The following CEP192 variants were observed in gnomAD, a reference collection of about 807,000 sequenced individuals.
CEP192 encodes centrosomal protein of 192 kDa.
CEP192 carries 151 observed loss-of-function variants against 271.8 expected under a neutral mutation model. The observed-to-expected ratio is 0.56, with a 90% CI of 0.49 to 0.64. The LOEUF is 0.64. Ranked by LOEUF, CEP192 falls within the 30% of genes least tolerant of loss-of-function variation. The pLI, the probability that CEP192 is intolerant of heterozygous loss-of-function variation, is 0.00. For synonymous variants in CEP192, 995 were observed against 1,076.5 expected (o/e 0.92, Z 1.48); for missense variants, 2,910 against 3,020.5 (o/e 0.96, Z 0.86).
intron 39 of CEP192, among the ~76,000 whole-genome samples, chr18:13,104,454 G>A (rs746553793): frequency 1.3e-5 from 2 of 152,078 alleles, no homozygotes; most frequent in Non-Finnish European, 2.9e-5. Context: ...CTACCAAAAT[G>A]TGTACAAAAA....
chr18:13,115,458 C>T (rs1318806544), intron 42 of CEP192, among the ~76,000 whole-genome samples: 1 of 152,000 alleles, frequency 6.6e-6, no homozygotes, highest in Non-Finnish European at 1.5e-5. Context: ...CAGAGCTGGG[C>T]CTAGGAGGTG....
chr18:13,074,241 G>A (rs8088543), intron 30 of CEP192, among the ~76,000 whole-genome samples: 20,806 of 152,168 alleles, frequency 0.14, 1,569 homozygotes, highest in East Asian at 0.31. Context: ...CAGCTTTGAC[G>A]CTGGAGCTTG....
In CEP192 at chr18:13,040,816, T is replaced by C; in HGVS notation, c.1810-14T>C. The C allele has an allele frequency of 6.4e-7, 1 of 1,562,768 alleles. No homozygotes were observed. Among genetic ancestry groups the C allele is most frequent in the Non-Finnish European group, 8.7e-7 (1 of 1,149,610 alleles). ...GAAAATCAAAGAAATAATTTACCTT[T>C]AATTATTTTGTAGCCATCATTTGGC... On this transcript the variant is annotated splice_polypyrimidine_tract_variant and intron_variant, in intron 13 of 44. Coordinates refer to ENST00000506447, the MANE Select transcript of CEP192 (RefSeq NM_032142.4).
Position 13,049,463 on chromosome 18 carries a change from T to A in CEP192, c.2672T>A (p.Val891Asp), listed in dbSNP as rs754287086. ...TCCATTGACAACAAATTACAAGATG[T>A]TGGTAACGATGAAAAAGCTACCTCA... is the stretch of plus-strand genomic sequence containing the variant. ...TCSIDNKLQD[V>D]GNDEKATSIS... is the part of the protein sequence containing the mutation. Residue 891 changes from valine (V) to aspartate (D), a missense_variant, in exon 16 of 45, where the codon GTT (valine) becomes GAT (aspartate). Val to Asp is a radical substitution (Grantham distance 152, BLOSUM62 -3). Coordinates refer to ENST00000506447, the MANE Select transcript of CEP192 (RefSeq NM_032142.4). 1 of 1,614,108 alleles carries A rather than the reference T, an allele frequency of 6.2e-7. No individual in the cohort carries two copies.
chr18:13,058,942 G>A lies in CEP192; in HGVS notation c.4258-140G>A, dbSNP rs1036804122. On this transcript the variant is annotated intron_variant, in intron 20 of 44. Coordinates refer to ENST00000506447, the MANE Select transcript of CEP192 (RefSeq NM_032142.4). Reference sequence around the variant, plus strand: ...TACTTCAGAGACCATAAATGACAAGGTTTTGACATTTTTGAAGAGATAATA... The same window carrying A: ...TACTTCAGAGACCATAAATGACAAGATTTTGACATTTTTGAAGAGATAATA... 1.6e-5 allele frequency: 10 copies of A among 636,876 alleles called. No homozygotes were observed. The African/African-American group carries it at 1.8e-4, about 12-fold the overall frequency. 39.5% of individuals were successfully genotyped at this position (636,876 alleles called of 1,614,324 possible).
intron 18 of CEP192, among the ~76,000 whole-genome samples, chr18:13,054,999 C>G (rs138057138): frequency 6.6e-6 from 1 of 152,018 alleles, no homozygotes; most frequent in African/African-American, 2.4e-5. Context: ...CATCTTTGGC[C>G]GGGTGTGGTG....
chr18:13,029,641 A>C (rs1332676997), intron 9 of CEP192, 22 bp from the exon 10 acceptor site: 1 of 1,422,456 alleles, frequency 7.0e-7, no homozygotes, highest in Non-Finnish European at 9.4e-7. Context: ...TCTGTTAAAA[A>C]ATCTGATTTT....
chr18:13,042,302 G>T lies in CEP192; in HGVS notation c.2035G>T (p.Val679Leu), dbSNP rs762363164. ...TACTTCACAAGTGGATGAAAATGATGTGACGTTAACGGCTGATAAAGGCAA... is the reference window on the plus strand; with the variant it reads ...TACTTCACAAGTGGATGAAAATGATTTGACGTTAACGGCTGATAAAGGCAA... ...ESTSQVDEND[V>L]TLTADKGKTE... The change falls in exon 15 of 45, where the codon GTG becomes TTG. Residue 679 changes from valine (V) to leucine (L), a missense_variant. By Grantham distance (32) the Val-to-Leu change is conservative (BLOSUM62 1). Coordinates refer to ENST00000506447, the MANE Select transcript of CEP192 (RefSeq NM_032142.4). The T allele has an allele frequency of 1.2e-6, 2 of 1,614,046 alleles. No homozygotes were observed. Among genetic ancestry groups the T allele is most frequent in the East Asian group, 4.5e-5 (2 of 44,858 alleles).
intron 30 of CEP192, 32 bp downstream of exon 30, chr18:13,073,217 T>C (rs775179878): frequency 6.5e-7 from 1 of 1,541,926 alleles, no homozygotes; most frequent in Non-Finnish European, 8.8e-7. Context: ...TCCCTTCCCC[T>C]GGAGTTTATG....
At chr18:13,060,578 C>G (rs1222044748) in intron 21 of CEP192, among the ~76,000 whole-genome samples, 5 of 152,154 alleles carry the variant, frequency 3.3e-5, no homozygotes, top group African/African-American at 1.2e-4. Context: ...GTCCTGTATA[C>G]AGTCCATCAT....
At chr18:13,013,876 G>A (rs1364667998) in intron 5 of CEP192, among the ~76,000 whole-genome samples, 1 of 152,210 alleles carries the variant, frequency 6.6e-6, no homozygotes, top group Non-Finnish European at 1.5e-5. Flanking sequence ...TTTATAGAAT[G>A]AATGCAAAAG....
chr18:13,001,597 T>G lies in CEP192; in HGVS notation c.290+15T>G. 1 of 1,541,694 alleles carries G rather than the reference T, an allele frequency of 6.5e-7. No individual in the cohort carries two copies. The highest frequency in any genetic ancestry group is 8.7e-7 in the Non-Finnish European group (1 of 1,144,276). ...CAGGATGATGAGTAAGTTCATACCT[T>G]CATTTGCTTGTACTGTGTTAAAAGT... On this transcript the variant is annotated intron_variant, in intron 3 of 44. Transcript: ENST00000506447.
chr18:13,076,174 T>A (rs1216953302), intron 30 of CEP192, among the ~76,000 whole-genome samples: 1 of 152,230 alleles, frequency 6.6e-6, no homozygotes, highest in East Asian at 1.9e-4. Context: ...GCAATAGTTT[T>A]TCCTGTTTAA....
intron 30 of CEP192, 53 bp downstream of exon 30, chr18:13,073,238 A>T: frequency 6.9e-7 from 1 of 1,440,232 alleles, no homozygotes; most frequent in Non-Finnish European, 9.5e-7. Flanking sequence ...CCATTTTATA[A>T]CTATTGGTTT....
chr18:13,029,898 A>G lies in CEP192; in HGVS notation c.1286A>G (p.Lys429Arg). Residue 429 changes from lysine (K) to arginine (R), a missense_variant, in exon 10 of 45, where the codon AAG (lysine) becomes AGG (arginine). By Grantham distance (26) the Lys-to-Arg change is conservative. Coordinates refer to ENST00000506447, the MANE Select transcript of CEP192 (RefSeq NM_032142.4). ...IQENVDVASL[K>R]PISDSGINFT... The stretch of plus-strand genomic sequence containing the variant: ...GAAAATGTGGATGTAGCCTCTTTGA[A>G]GCCCATTAGTGACAGTGGAATTAAT... The G allele has an allele frequency of 6.4e-7, 1 of 1,551,716 alleles. No individual in the cohort carries two copies. The highest frequency in any genetic ancestry group is 8.7e-7 in the Non-Finnish European group (1 of 1,146,976).
chr18:13,026,984 A>G (rs1030401988), intron 9 of CEP192, among the ~76,000 whole-genome samples: 2 of 152,134 alleles, frequency 1.3e-5, no homozygotes, highest in African/African-American at 4.8e-5. Context: ...ACCAAGTAAA[A>G]GAACTACTGT....
At chr18:13,095,370 T>A in intron 34 of CEP192, 133 bp from the exon 35 acceptor site, 1 of 717,694 alleles carries the variant, frequency 1.4e-6, no homozygotes, top group Admixed American at 2.8e-5. Flanking sequence ...ATAACTCACT[T>A]TTAACTTTGT....
chr18:13,009,725 C>CGG (rs1036916089), intron 4 of CEP192, among the ~76,000 whole-genome samples: 1 of 152,106 alleles, frequency 6.6e-6, no homozygotes, highest in Non-Finnish European at 1.5e-5. Flanking sequence ...CCCAGCTACC[C>CGG]GGGAGGCTGA....
chr18:13,089,110 T>C (rs1454571702), intron 32 of CEP192, among the ~76,000 whole-genome samples: 2 of 152,188 alleles, frequency 1.3e-5, no homozygotes, highest in African/African-American at 4.8e-5. Context: ...GTATTCCCCT[T>C]CAAATGTTTC....
Sources: allele counts gnomAD v4.1 joint callset (sites outside exome capture counted in the v4.1 genomes callset), GRCh38; gene constraint gnomAD v4.1.1; transcripts MANE v1.5; gene names NCBI Gene and HGNC (gene_info 2026-07-23, HGNC 2026-07-21).